Variants in MYO7B observed in about 807,000 individuals in gnomAD.
The protein encoded by MYO7B is myosin VIIB.
Under a neutral mutation model 259.7 loss-of-function variants are expected in MYO7B, and 212 were observed. That is an observed-to-expected ratio of 0.82 (90% CI 0.73 to 0.91). The LOEUF is 0.91. Among genes scored for constraint, MYO7B ranks in the 40% least tolerant of loss-of-function variants. The probability of loss-of-function intolerance (pLI) is 0.00; values close to 1 mark genes in which losing one functional copy is unlikely to be tolerated. For missense variants in MYO7B, 2,732 were observed against 2,813.5 expected, an observed-to-expected ratio of 0.97 and a Z score of 0.66; for synonymous variants, 1,197 against 1,166.4, an observed-to-expected ratio of 1.03 and a Z score of -0.54.
At position 127,580,937 on chromosome 2, in the gene MYO7B, G is replaced by A. The variant is rs746285745; in HGVS notation, c.1080+115G>A. 870 of 1,079,190 alleles carry A rather than the reference G, an allele frequency of 8.1e-4. 6 individuals carry two copies. The highest frequency in any genetic ancestry group is 2.0e-4 in the Middle Eastern group (1 of 4,980). 66.9% of individuals were successfully genotyped at this position (1,079,190 alleles called of 1,614,324 possible). On this transcript the variant is annotated intron_variant, in intron 10 of 47. Coordinates refer to ENST00000409816, the MANE Select transcript of MYO7B (RefSeq NM_001393586.1). ...TACCCAGGCCCCCACCCCTTTCCCAGGGCCTATGCTCAAACCCCTCCCTTC... is the reference window on the plus strand; with the variant it reads ...TACCCAGGCCCCCACCCCTTTCCCAAGGCCTATGCTCAAACCCCTCCCTTC...
At chr2:127,561,739 T>G (rs1678093742) in intron 2 of MYO7B, among the ~76,000 whole-genome samples, 1 of 152,180 alleles carries the variant, frequency 6.6e-6, no homozygotes, top group African/African-American at 2.4e-5. Flanking sequence ...GTATAACTCC[T>G]GTAATATAGA....
chr2:127,631,488 C>G, intron 37 of MYO7B, 112 bp from the exon 38 acceptor site: 1 of 1,519,506 alleles, frequency 6.6e-7, no homozygotes, highest in Admixed American at 2.0e-5. Context: ...CCTGGAGTGG[C>G]GGGACAGAGC....
chr2:127,636,450 G>A lies in MYO7B; in HGVS notation c.6124-95G>A, dbSNP rs1681812869. On this transcript the variant is annotated intron_variant, in intron 45 of 47. Transcript: ENST00000409816. The surrounding 1 kb of genome is among the most constrained non-coding windows in gnomAD (Gnocchi z 4.5). The stretch of plus-strand genomic sequence containing the variant: ...GGCCGTGAGGCTGGAGGGCGTGGGT[G>A]TATGTGTGTATGTGCGTGTGGCCTA... The A allele has an allele frequency of 3.5e-6, 5 of 1,411,042 alleles. No individual in the cohort carries two copies. In the Middle Eastern group the frequency reaches 7.0e-4, roughly 197 times the overall value. The allele number at this position is 1,411,042 out of a possible 1,614,324, so 87.4% of individuals were successfully genotyped here.
At chr2:127,578,446 G>A (rs1220670731) in intron 9 of MYO7B, among the ~76,000 whole-genome samples, 160 bp downstream of exon 9, 1 of 147,158 alleles carries the variant, frequency 6.8e-6, no homozygotes, top group Non-Finnish European at 1.5e-5. Context: ...TGGAGGCCTC[G>A]TGAGGCAAAG....
Position 127,636,273 on chromosome 2 carries a change from G to A in MYO7B, c.6072G>A (p.Leu2024=), listed in dbSNP as rs1480906408. The change falls in exon 45 of 48, where the codon CTG becomes CTA. Residue 2024 remains leucine (L), a synonymous_variant. Transcript: ENST00000409816. This position sits in a 1 kb window ranked among gnomAD's most constrained non-coding sequence, Gnocchi z 4.5. ...TGGAGGAGGCCAAGGTGGCCTTCCT[G>A]AAGTGGATCTGCCGGTGGCCCACCT... ...KTVEEAKVAF[L]KWICRWPTFG... 1 of 1,613,636 alleles carries A rather than the reference G, an allele frequency of 6.2e-7. No individual in the cohort carries two copies. Among genetic ancestry groups the A allele is most frequent in the African/African-American group, 1.3e-5 (1 of 75,034 alleles).
chr2:127,609,013 C>T lies in MYO7B; in HGVS notation c.2814+135C>T. ...AAGTGTGTGCTGCAGCCCTGCTGGTCCCACACGGAAGAGGGGAGCGTGCGT... is the reference window on the plus strand; with the variant it reads ...AAGTGTGTGCTGCAGCCCTGCTGGTTCCACACGGAAGAGGGGAGCGTGCGT... On this transcript the variant is annotated intron_variant, in intron 22 of 47. Coordinates refer to ENST00000409816, the MANE Select transcript of MYO7B (RefSeq NM_001393586.1). This position sits in a 1 kb window ranked among gnomAD's most constrained non-coding sequence, Gnocchi z 6.9. The T allele has an allele frequency of 8.2e-7, 1 of 1,214,920 alleles. No homozygotes were observed. Among genetic ancestry groups the T allele is most frequent in the Non-Finnish European group, 1.1e-6 (1 of 880,750 alleles). The allele number at this position is 1,214,920 out of a possible 1,614,324, so 75.3% of individuals were successfully genotyped here. A position where few individuals can be genotyped will look rare whatever the true frequency, so the allele number is the denominator to read the frequency against.
Position 127,627,597 on chromosome 2 carries a change from G to A in MYO7B, c.4460+287G>A. On this transcript the variant is annotated intron_variant, in intron 33 of 47. Coordinates refer to ENST00000409816, the MANE Select transcript of MYO7B (RefSeq NM_001393586.1). The surrounding 1 kb of genome is among the most constrained non-coding windows in gnomAD (Gnocchi z 5.6). ...GGGGCAGGGAAGCGTGCAGCCTCTG[G>A]CGGGCACTTATTTAGAAGGCTCCTT... 3.7e-6 allele frequency: 2 copies of A among 546,454 alleles called. No individual in the cohort carries two copies. The highest frequency in any genetic ancestry group is 1.5e-5 in the South Asian group (1 of 65,356). The allele number at this position is 546,454 out of a possible 1,614,324, so 33.9% of individuals were successfully genotyped here.
chr2:127,566,929 T>C, intron 5 of MYO7B, 102 bp downstream of exon 5: 1 of 1,257,008 alleles, frequency 8.0e-7, no homozygotes, highest in Non-Finnish European at 1.1e-6. Context: ...CCCTACTCCA[T>C]GGCACACACC....
rs13425886 is a variant in MYO7B, at chr2:127,575,240, T to C, written c.735+1178T>C. ...ATCCCTATTGTACAGATGAGAAAAC[T>C]GAGTCCAGTTAAGTTCGGCCCCTTG... On this transcript the variant is annotated intron_variant, in intron 7 of 47. Transcript: ENST00000409816. Among the ~76,000 whole-genome samples, 646 of 152,308 alleles carry C rather than the reference T, an allele frequency of 4.2e-3. 6 individuals carry two copies. Among genetic ancestry groups the C allele is most frequent in the African/African-American group, 0.015 (610 of 41,556 alleles).
intron 26 of MYO7B, 114 bp from the exon 27 acceptor site, chr2:127,620,226 G>T: frequency 7.8e-7 from 1 of 1,288,522 alleles, no homozygotes; most frequent in South Asian, 1.6e-5. Flanking sequence ...CGCTGGAGAG[G>T]TGCCCTGCAT....
chr2:127,578,487 A>G (rs900135130), intron 9 of MYO7B, among the ~76,000 whole-genome samples: 6 of 152,208 alleles, frequency 3.9e-5, no homozygotes, highest in Non-Finnish European at 7.3e-5. Context: ...GGCTCTCCAC[A>G]GGTGGAGACC....
Position 127,636,650 on chromosome 2 carries a change from G to T in MYO7B, c.6207+22G>T. The T allele has an allele frequency of 6.2e-7, 1 of 1,609,176 alleles. No homozygotes were observed. The highest frequency in any genetic ancestry group is 8.5e-7 in the Non-Finnish European group (1 of 1,177,754). ...CAAGGTAGCTGCTGGGCCTCCGGAGGGGCTGGGGGCCACCAGGTCCAGGGA... is the reference window on the plus strand; with the variant it reads ...CAAGGTAGCTGCTGGGCCTCCGGAGTGGCTGGGGGCCACCAGGTCCAGGGA... On this transcript the variant is annotated intron_variant, in intron 46 of 47. Coordinates refer to ENST00000409816, the MANE Select transcript of MYO7B (RefSeq NM_001393586.1). The surrounding 1 kb of genome is among the most constrained non-coding windows in gnomAD (Gnocchi z 4.5).
At chr2:127,635,541 A>G in intron 43 of MYO7B, 181 bp from the exon 44 acceptor site, 2 of 707,174 alleles carry the variant, frequency 2.8e-6, no homozygotes, top group Admixed American at 5.8e-5. Context: ...CTCCACGCAG[A>G]TGTCAGGGGG....
intron 14 of MYO7B, among the ~76,000 whole-genome samples, chr2:127,587,939 A>T (rs186564630): frequency 8.8e-4 from 134 of 152,104 alleles, no homozygotes; most frequent in Admixed American, 2.3e-3. Context: ...TTTTACTTTA[A>T]TCCCCTCCTT....
intron 19 of MYO7B, among the ~76,000 whole-genome samples, chr2:127,602,396 C>T (rs1679994743): frequency 6.6e-6 from 1 of 152,090 alleles, no homozygotes; most frequent in South Asian, 2.1e-4. Context: ...ACCTGTAATC[C>T]CAGCATTTTG....
chr2:127,618,082 T>C (rs1479688855), intron 26 of MYO7B, among the ~76,000 whole-genome samples: 1 of 152,136 alleles, frequency 6.6e-6, no homozygotes, highest in African/African-American at 2.4e-5. Context: ...CCTACTTATC[T>C]CTATTTGTCC....
At chr2:127,555,155 G>T (rs924414472) in intron 1 of MYO7B, among the ~76,000 whole-genome samples, 1 of 151,954 alleles carries the variant, frequency 6.6e-6, no homozygotes, top group Non-Finnish European at 1.5e-5. Context: ...CACCATCTTG[G>T]CCAGGCTGGT....
rs903060883 is a variant in MYO7B, at chr2:127,627,880, G to A, written c.4461-492G>A. 4.4e-6 allele frequency: 2 copies of A among 458,676 alleles called. No individual in the cohort carries two copies. The highest frequency in any genetic ancestry group is 4.4e-6 in the Non-Finnish European group (1 of 228,478). 28.4% of individuals were successfully genotyped at this position (458,676 alleles called of 1,614,324 possible). ...AACAGAGTGGCACATGCATCTCTGG[G>A]CTGTGCCAGGTGTACAGTGGCCACC... is the stretch of plus-strand genomic sequence containing the variant. On this transcript the variant is annotated intron_variant, in intron 33 of 47. Transcript: ENST00000409816. This position sits in a 1 kb window ranked among gnomAD's most constrained non-coding sequence, Gnocchi z 5.6.
chr2:127,576,768 C>A lies in MYO7B; in HGVS notation c.849+60C>A. On this transcript the variant is annotated intron_variant, in intron 8 of 47. Transcript: ENST00000409816. This position sits in a 1 kb window ranked among gnomAD's most constrained non-coding sequence, Gnocchi z 4.9. ...TGGAAGGGAGGAAAAAGAGCTTGTG[C>A]CGCTCCACCCTCCGCGACAGCTGCA... The A allele has an allele frequency of 8.1e-7, 1 of 1,235,842 alleles. No individual in the cohort carries two copies. The highest frequency in any genetic ancestry group is 1.2e-6 in the Non-Finnish European group (1 of 863,820). The allele number at this position is 1,235,842 out of a possible 1,614,324, so 76.6% of individuals were successfully genotyped here.
Sources: allele counts gnomAD v4.1 joint callset (sites outside exome capture counted in the v4.1 genomes callset), GRCh38; gene constraint gnomAD v4.1.1; non-coding constraint Gnocchi (gnomAD v3.1); transcripts MANE v1.5; gene names NCBI Gene and HGNC (gene_info 2026-07-23, HGNC 2026-07-21).